CHRM3: variants seen among roughly 807,000 people sequenced by gnomAD.
CHRM3 encodes the protein cholinergic receptor muscarinic 3.
In CHRM3, 11 loss-of-function variants were observed where a neutral mutation model predicts 41.8. The observed-to-expected ratio is 0.26, with a 90% confidence interval of 0.17 to 0.44. CHRM3 has a LOEUF of 0.44. Ranked by LOEUF, CHRM3 falls within the 20% of genes least tolerant of loss-of-function variation. The probability of loss-of-function intolerance (pLI) is 1.00; values close to 1 mark genes in which losing one functional copy is unlikely to be tolerated. For missense variants in CHRM3, 571 were observed against 745.4 expected (o/e 0.77, Z 2.72); for synonymous variants, 297 against 301.4 (o/e 0.99, Z 0.15).
chr1:239,859,639 C>A (rs1675442707), intron 6 of CHRM3, among the ~76,000 whole-genome samples: 1 of 151,274 alleles, frequency 6.6e-6, no homozygotes, highest in Non-Finnish European at 1.5e-5. Flanking sequence ...TGGTTTCAAA[C>A]TCCTGACCTC....
chr1:239,598,349 A>G (rs1290471047), intron 3 of CHRM3, among the ~76,000 whole-genome samples: 2 of 152,160 alleles, frequency 1.3e-5, no homozygotes, highest in African/African-American at 4.8e-5. Context: ...GTTCCCTGAG[A>G]TGAAATCGTA....
chr1:239,842,525 G>A (rs548986570), intron 6 of CHRM3, among the ~76,000 whole-genome samples: 22 of 152,258 alleles, frequency 1.4e-4, no homozygotes, highest in Admixed American at 3.9e-4. Context: ...GTGAGCCACC[G>A]TGCCCAGCAG....
chr1:239,427,531 C>T (rs1055399482), intron 1 of CHRM3, among the ~76,000 whole-genome samples: 2 of 152,056 alleles, frequency 1.3e-5, no homozygotes, highest in African/African-American at 4.8e-5. Flanking sequence ...CCTCTCTTGC[C>T]ACCATCTTAT....
chr1:239,699,050 A>G (rs1660444880), intron 5 of CHRM3, among the ~76,000 whole-genome samples: 2 of 152,206 alleles, frequency 1.3e-5, no homozygotes, highest in South Asian at 4.1e-4. Flanking sequence ...TACTGAGTCA[A>G]CCACAGTTAA....
chr1:239,471,137 CTG>C (rs1666090524), intron 1 of CHRM3, among the ~76,000 whole-genome samples: 1 of 151,582 alleles, frequency 6.6e-6, no homozygotes, highest in Non-Finnish European at 1.5e-5. Context: ...CATAAATTCT[CTG>C]TGTTAATTGA....
chr1:239,632,457 TG>T (rs1322638049), intron 4 of CHRM3, among the ~76,000 whole-genome samples, 171 bp downstream of exon 4: 3 of 152,238 alleles, frequency 2.0e-5, no homozygotes, highest in African/African-American at 7.2e-5. Flanking sequence ...AAGCTAAGTG[TG>T]TTCATTTTCT....
chr1:239,849,825 A>C (rs1674559535), intron 6 of CHRM3, among the ~76,000 whole-genome samples: 1 of 152,220 alleles, frequency 6.6e-6, no homozygotes, highest in Admixed American at 6.5e-5. Context: ...CAAGTGCCTA[A>C]TAAGTGTTAA....
At chr1:239,766,213 A>T (rs1667195829) in intron 5 of CHRM3, among the ~76,000 whole-genome samples, 2 of 152,214 alleles carry the variant, frequency 1.3e-5, no homozygotes, top group Admixed American at 1.3e-4. Flanking sequence ...AGGGCTTATT[A>T]TCAAATGTAG....
intron 6 of CHRM3, among the ~76,000 whole-genome samples, chr1:239,893,385 G>GCTTTTTATT (rs1375831243): frequency 6.6e-6 from 1 of 152,178 alleles, no homozygotes; most frequent in East Asian, 1.9e-4. Context: ...AATTTTGCTT[G>GCTTTTTATT]TTCATGGAAG....
At chr1:239,656,166 AG>A (rs113210816) in intron 4 of CHRM3, among the ~76,000 whole-genome samples, 14,321 of 151,920 alleles carry the variant, frequency 0.094, 1,000 homozygotes, top group African/African-American at 0.2. Flanking sequence ...GAGGGAAGGA[AG>A]GGGGGGAAAG....
chr1:239,543,680 T>G (rs1659008661), intron 2 of CHRM3, among the ~76,000 whole-genome samples: 4 of 152,074 alleles, frequency 2.6e-5, no homozygotes, highest in Admixed American at 2.6e-4. Context: ...GCTAATTTTT[T>G]TGTATTTTTG....
intron 1 of CHRM3, among the ~76,000 whole-genome samples, chr1:239,437,760 G>T (rs1663388881): frequency 6.6e-6 from 1 of 152,068 alleles, no homozygotes; most frequent in Non-Finnish European, 1.5e-5. Flanking sequence ...AGAGATGAGA[G>T]GCCAAAAGGT....
intron 3 of CHRM3, among the ~76,000 whole-genome samples, chr1:239,553,358 C>T (rs1315187940): frequency 6.6e-6 from 1 of 151,838 alleles, no homozygotes; most frequent in African/African-American, 2.4e-5. Flanking sequence ...AAAGATTTCC[C>T]CTACTATGCT....
intron 1 of CHRM3, among the ~76,000 whole-genome samples, chr1:239,409,978 G>C (rs891266299): frequency 6.6e-6 from 1 of 152,086 alleles, no homozygotes; most frequent in African/African-American, 2.4e-5. Flanking sequence ...AGAATGCTTG[G>C]GCTTGGTAAC....
intron 2 of CHRM3, among the ~76,000 whole-genome samples, chr1:239,502,279 G>A (rs956863416): frequency 6.6e-6 from 1 of 151,952 alleles, no homozygotes; most frequent in Non-Finnish European, 1.5e-5. Flanking sequence ...GAAATACAAA[G>A]CATCAATCAA....
chr1:239,513,917 C>A (rs148740204), intron 2 of CHRM3, among the ~76,000 whole-genome samples: 1 of 152,060 alleles, frequency 6.6e-6, no homozygotes, highest in East Asian at 1.9e-4. Flanking sequence ...TGCATTTGTT[C>A]CTTTGTCAAA....
At chr1:239,754,960 G>C (rs1480943194) in intron 5 of CHRM3, among the ~76,000 whole-genome samples, 1 of 152,110 alleles carries the variant, frequency 6.6e-6, no homozygotes, top group Admixed American at 6.6e-5. Context: ...AAAAAATACT[G>C]ACCCAAGGCT....
chr1:239,444,554 G>A (rs973120174), intron 1 of CHRM3, among the ~76,000 whole-genome samples: 7 of 152,040 alleles, frequency 4.6e-5, no homozygotes, highest in Non-Finnish European at 1.0e-4. Flanking sequence ...TTGTCAAGGA[G>A]AGAAGTCAAG....
chr1:239,715,950 AAGACC>A (rs1320247425), intron 5 of CHRM3, among the ~76,000 whole-genome samples: 2 of 152,120 alleles, frequency 1.3e-5, no homozygotes, highest in African/African-American at 4.8e-5. Flanking sequence ...AGTGATGTTG[AAGACC>A]AGGGCTTTGT....
Sources: gnomAD v4.1 joint callset for allele counts (sites outside exome capture counted in the v4.1 genomes callset) on GRCh38, gnomAD v4.1.1 for gene constraint, MANE v1.5 for transcripts, NCBI Gene and HGNC (gene_info 2026-07-23, HGNC 2026-07-21) for gene names.